The following RAB17 variants were observed in gnomAD, a reference collection of about 807,000 sequenced individuals.
The protein encoded by RAB17 is ras-related protein Rab-17.
Under a neutral mutation model 19.3 loss-of-function variants are expected in RAB17, and 15 were observed. The ratio of observed to expected loss-of-function variants is 0.78; its 90% CI spans 0.52 to 1.20. The LOEUF is 1.20. Among genes scored for constraint, RAB17 ranks in the 50% most tolerant of loss-of-function variants. The probability of loss-of-function intolerance (pLI) is 0.00; values close to 1 mark genes in which losing one functional copy is unlikely to be tolerated. For missense variants in RAB17, 262 were observed against 269.3 expected (o/e 0.97, Z 0.19); for synonymous variants, 110 against 112.8 (o/e 0.97, Z 0.16).
chr2:237,577,151 G>C (rs561013525), intron 4 of RAB17, 106 bp downstream of exon 4: 1 of 1,359,788 alleles, frequency 7.4e-7, no homozygotes, highest in Admixed American at 2.1e-5. Context: ...AAGTGTGTGC[G>C]TGTGTGGGTG....
At chr2:237,578,805 A>T (rs1199261033) in intron 2 of RAB17, 2 of 151,872 alleles carry the variant, frequency 1.3e-5, no homozygotes, top group Non-Finnish European at 2.9e-5. Flanking sequence ...GCCTCCCTGC[A>T]CCCCATACAC....
rs372128506 is a variant in RAB17 at position 237,577,252 on chromosome 2, G to A, written c.435+5C>T. The A allele has an allele frequency of 2.5e-4, 402 of 1,611,314 alleles. No individual in the cohort carries two copies. The highest frequency in any genetic ancestry group is 3.1e-4 in the Non-Finnish European group (364 of 1,178,918). Reference sequence around the variant, plus strand: ...AAGAGCAGAGCAGGGTCTCCTGGGCGGTACCTGGAAGGTCACCTCCCGCTC... The same window carrying A: ...AAGAGCAGAGCAGGGTCTCCTGGGCAGTACCTGGAAGGTCACCTCCCGCTC... On this transcript the variant is annotated splice_donor_5th_base_variant and intron_variant, in intron 4 of 5. Transcript: ENST00000264601.
intron 4 of RAB17, chr2:237,576,697 G>C (rs756555635): frequency 4.2e-6 from 2 of 471,262 alleles, no homozygotes; most frequent in Non-Finnish European, 8.8e-6. Flanking sequence ...CGTCCTAAAT[G>C]TGGTGGGGGA....
intron 5 of RAB17, 22 bp from the exon 6 acceptor site, chr2:237,575,150 G>A (rs780814920): frequency 1.9e-6 from 3 of 1,595,818 alleles, no homozygotes; most frequent in Non-Finnish European, 2.6e-6. Context: ...AAGAGGAGGG[G>A]GCTGGCTAGG....
At position 237,574,549 on chromosome 2, in the gene RAB17, G is replaced by A; in HGVS notation, c.*470C>T. On this transcript the variant is annotated 3_prime_UTR_variant, in exon 6 of 6. Coordinates refer to ENST00000264601, the MANE Select transcript of RAB17 (RefSeq NM_022449.4). ...AAATCCTGGGCCCACCCCACAGTCAGTCATCGCTCCATTTCTTCCTGGCAC... is the reference window on the plus strand; with the variant it reads ...AAATCCTGGGCCCACCCCACAGTCAATCATCGCTCCATTTCTTCCTGGCAC... 1 of 1,550,148 alleles carries A rather than the reference G, an allele frequency of 6.5e-7. No homozygotes were observed. Among genetic ancestry groups the A allele is most frequent in the Non-Finnish European group, 8.7e-7 (1 of 1,146,800 alleles).
intron 3 of RAB17, 173 bp downstream of exon 3, chr2:237,577,831 C>A (rs1321754679): frequency 4.2e-6 from 3 of 709,480 alleles, no homozygotes; most frequent in East Asian, 2.5e-5. Flanking sequence ...GGAGCAGAAC[C>A]CCACTGTGGA....
At chr2:237,583,049 C>A (rs2081320093) in intron 2 of RAB17, among the ~76,000 whole-genome samples, 1 of 152,032 alleles carries the variant, frequency 6.6e-6, no homozygotes, top group Non-Finnish European at 1.5e-5. Context: ...ATGCAATGAG[C>A]CAAGGTTGCA....
At position 237,578,156 on chromosome 2, in the gene RAB17, C is replaced by T. The variant is rs760812359; in HGVS notation, c.158-1G>A. On this transcript the variant is annotated splice_acceptor_variant, in intron 2 of 5. Transcript: ENST00000264601. LOFTEE classifies it high-confidence loss of function. Reference sequence around the variant, plus strand: ...TCCACCACCTTTGTGAAGAACGCACCTGAAACAGGGAGGCCCAGAGGGCTT... The same window carrying T: ...TCCACCACCTTTGTGAAGAACGCACTTGAAACAGGGAGGCCCAGAGGGCTT... The T allele has an allele frequency of 9.9e-6, 16 of 1,608,164 alleles. No individual in the cohort carries two copies. Among genetic ancestry groups the T allele is most frequent in the Non-Finnish European group, 1.2e-5 (14 of 1,175,252 alleles).
chr2:237,580,102 T>C (rs1014896484), intron 2 of RAB17, among the ~76,000 whole-genome samples: 2 of 152,256 alleles, frequency 1.3e-5, no homozygotes, highest in Non-Finnish European at 2.9e-5. Context: ...GCTGATCTGA[T>C]GGCAGCTTGC....
chr2:237,582,372 G>A (rs2149186361), intron 2 of RAB17, among the ~76,000 whole-genome samples: 1 of 152,366 alleles, frequency 6.6e-6, no homozygotes. Flanking sequence ...GACAGGGCCG[G>A]CCTTGGTGAC....
chr2:237,578,556 C>A, intron 2 of RAB17: 1 of 171,086 alleles, frequency 5.8e-6, no homozygotes, highest in Non-Finnish European at 1.3e-5. Flanking sequence ...CTACCGGCCC[C>A]TCGCCTGCCA....
chr2:237,576,967 T>C (rs1334129851), intron 4 of RAB17, among the ~76,000 whole-genome samples: 2 of 152,160 alleles, frequency 1.3e-5, no homozygotes, highest in Admixed American at 6.5e-5. Flanking sequence ...CCTGAGTTTT[T>C]CAGGAAAGAC....
chr2:237,576,842 G>T (rs1386116223), intron 4 of RAB17, among the ~76,000 whole-genome samples: 1 of 152,188 alleles, frequency 6.6e-6, no homozygotes, highest in African/African-American at 2.4e-5. Context: ...GAGTAGGGAA[G>T]GGAGCCCTGC....
chr2:237,577,805 C>A, intron 3 of RAB17, 199 bp downstream of exon 3: 1 of 625,954 alleles, frequency 1.6e-6, no homozygotes, highest in South Asian at 2.2e-5. Context: ...ACGGCATGTT[C>A]TTTGTGGACC....
chr2:237,575,099 CCTCGTCG>C lies in RAB17; in HGVS notation c.552_558del (p.Ser184ArgfsTer14). The C allele has an allele frequency of 6.2e-7, 1 of 1,613,686 alleles. No individual in the cohort carries two copies. The highest frequency in any genetic ancestry group is 1.1e-5 in the South Asian group (1 of 91,016). The stretch of plus-strand genomic sequence containing the variant: ...GCATCCCCCCGTAGAGCCTGGCCCT[CCTCGTCG>C]CTTCTCTGCAGTAGCTCTTGGGCTG... On this transcript the variant is annotated frameshift_variant, in exon 6 of 6. Coordinates refer to ENST00000264601, the MANE Select transcript of RAB17 (RefSeq NM_022449.4). LOFTEE classifies it low-confidence loss of function (END_TRUNC).
At chr2:237,580,190 G>A (rs370309958) in intron 2 of RAB17, among the ~76,000 whole-genome samples, 78 of 152,276 alleles carry the variant, frequency 5.1e-4, no homozygotes, top group African/African-American at 1.8e-3. Flanking sequence ...CTGTTAAATC[G>A]CCTGAGCAAG....
At chr2:237,588,388 C>G (rs766670141) in intron 1 of RAB17, among the ~76,000 whole-genome samples, 20 of 152,354 alleles carry the variant, frequency 1.3e-4, no homozygotes, top group South Asian at 4.1e-4. Flanking sequence ...TTATACATTT[C>G]TGTCCCAGGA....
Position 237,577,370 on chromosome 2 carries a change from T to C in RAB17, c.322A>G (p.Lys108Glu). The C allele has an allele frequency of 1.2e-6, 2 of 1,604,088 alleles. No individual in the cohort carries two copies. Among genetic ancestry groups the C allele is most frequent in the Non-Finnish European group, 1.7e-6 (2 of 1,174,478 alleles). ...AGGTCCTTCAGCCACTGCTGAGCCT[T>C]GAGGAAGGAATCCTAGAAAAGAAGA... ...YDITRKDSFL[K>E]AQQWLKDLEE... Residue 108 changes from lysine to glutamate, a missense_variant, in exon 4 of 6, where the codon AAG (lysine) becomes GAG (glutamate). Physicochemically the swap from Lys to Glu is moderately conservative, Grantham distance 56. Transcript: ENST00000264601.
At chr2:237,581,061 A>G (rs1391208867) in intron 2 of RAB17, among the ~76,000 whole-genome samples, 5 of 152,268 alleles carry the variant, frequency 3.3e-5, no homozygotes, top group Middle Eastern at 6.8e-3. Context: ...CCACATTTCT[A>G]TATCTCCATG....
Sources: allele counts gnomAD v4.1 joint callset (sites outside exome capture counted in the v4.1 genomes callset), GRCh38; gene constraint gnomAD v4.1.1; transcripts MANE v1.5; gene names NCBI Gene and HGNC (gene_info 2026-07-23, HGNC 2026-07-21).